Variants in GRID2 observed in about 807,000 individuals in gnomAD.
GRID2 encodes glutamate ionotropic receptor delta type subunit 2.
Under a neutral mutation model 114.8 loss-of-function variants are expected in GRID2, and 33 were observed. The observed-to-expected ratio is 0.29, with a 90% CI of 0.22 to 0.38. GRID2 has a LOEUF of 0.38. Among genes scored for constraint, GRID2 ranks in the 10% least tolerant of loss-of-function variants. GRID2 has a pLI of 1.00. For synonymous variants in GRID2, 505 were observed against 449.9 expected (o/e 1.12, Z -1.55); for missense variants, 1,184 against 1,257.7 (o/e 0.94, Z 0.89).
chr4:92,737,895 C>CA (rs1736680085), intron 2 of GRID2, among the ~76,000 whole-genome samples: 1 of 152,182 alleles, frequency 6.6e-6, no homozygotes, highest in East Asian at 1.9e-4. Flanking sequence ...TCTTCTCTTT[C>CA]AGTGTATTGC....
chr4:92,399,355 G>C (rs943958078), intron 1 of GRID2, among the ~76,000 whole-genome samples: 5 of 152,018 alleles, frequency 3.3e-5, no homozygotes, highest in Admixed American at 3.3e-4. Flanking sequence ...TCTTCCTTCA[G>C]GCCCACTCCT....
intron 14 of GRID2, among the ~76,000 whole-genome samples, chr4:93,664,354 GAAGGTTT>G (rs1457787776): frequency 6.6e-6 from 1 of 152,212 alleles, no homozygotes; most frequent in Non-Finnish European, 1.5e-5. Context: ...CTATCTGAAT[GAAGGTTT>G]AAAAGGATCA....
chr4:92,321,543 G>T (rs1450607454), intron 1 of GRID2, among the ~76,000 whole-genome samples: 1 of 152,096 alleles, frequency 6.6e-6, no homozygotes, highest in African/African-American at 2.4e-5. Flanking sequence ...GAAATTATTG[G>T]AACTTAATTT....
At chr4:93,156,103 T>C (rs1489554167) in intron 4 of GRID2, among the ~76,000 whole-genome samples, 1 of 151,776 alleles carries the variant, frequency 6.6e-6, no homozygotes, top group Non-Finnish European at 1.5e-5. Flanking sequence ...ATTCACCTGT[T>C]ACATACCCAT....
chr4:92,641,723 G>C (rs1006479161), intron 2 of GRID2, among the ~76,000 whole-genome samples: 2 of 151,412 alleles, frequency 1.3e-5, no homozygotes, highest in Admixed American at 1.3e-4. Flanking sequence ...TTTTTACATG[G>C]GTATATTGCA....
intron 1 of GRID2, among the ~76,000 whole-genome samples, chr4:92,488,927 C>A (rs548960348): frequency 6.6e-6 from 1 of 152,294 alleles, no homozygotes; most frequent in South Asian, 2.1e-4. Flanking sequence ...GAAACTGCGA[C>A]TACAGTAGAA....
intron 13 of GRID2, among the ~76,000 whole-genome samples, chr4:93,567,774 C>T (rs768011474): frequency 6.6e-6 from 1 of 152,132 alleles, no homozygotes; most frequent in Non-Finnish European, 1.5e-5. Context: ...ACCTTGTGAC[C>T]AGGGTCACTG....
At chr4:93,615,361 G>A (rs546104154) in intron 13 of GRID2, among the ~76,000 whole-genome samples, 10 of 152,216 alleles carry the variant, frequency 6.6e-5, no homozygotes, top group Non-Finnish European at 1.5e-4. Context: ...ATCTCTCTTA[G>A]GAAAATGATT....
chr4:93,005,147 A>T (rs1316145153), intron 2 of GRID2, among the ~76,000 whole-genome samples: 2 of 152,074 alleles, frequency 1.3e-5, no homozygotes, highest in Non-Finnish European at 1.5e-5. Flanking sequence ...GACAGAATAG[A>T]CAGTTTCAAA....
intron 1 of GRID2, among the ~76,000 whole-genome samples, chr4:92,495,774 G>A (rs911088511): frequency 2.0e-5 from 3 of 151,884 alleles, no homozygotes; most frequent in African/African-American, 7.2e-5. Context: ...AAGTAATTGT[G>A]TAGGGTGGTC....
At chr4:92,931,955 C>T (rs113687793) in intron 2 of GRID2, among the ~76,000 whole-genome samples, 3,445 of 151,110 alleles carry the variant, frequency 0.023, 65 homozygotes, top group East Asian at 0.054. Context: ...TTTTATTTCA[C>T]ACATAAAATT....
intron 2 of GRID2, among the ~76,000 whole-genome samples, chr4:92,856,533 A>T (rs567529817): frequency 2.7e-3 from 407 of 152,250 alleles, no homozygotes; most frequent in African/African-American, 9.4e-3. Context: ...TTTTTTCCAG[A>T]AGATAGTATG....
At chr4:93,790,123 C>A in intron 1 of GRID2, among the ~76,000 whole-genome samples, 1 of 139,906 alleles carries the variant, frequency 7.1e-6, no homozygotes, top group Non-Finnish European at 1.5e-5. Context: ...CCCACCCCTA[C>A]CCCGTGCCCA....
chr4:92,719,894 T>C (rs541628256), intron 2 of GRID2, among the ~76,000 whole-genome samples: 3 of 152,188 alleles, frequency 2.0e-5, no homozygotes, highest in Non-Finnish European at 4.4e-5. Context: ...AAGTCAAGGA[T>C]ACTAGCAATA....
chr4:92,692,477 C>CT (rs1734223829), intron 2 of GRID2, among the ~76,000 whole-genome samples: 1 of 152,114 alleles, frequency 6.6e-6, no homozygotes, highest in Non-Finnish European at 1.5e-5. Flanking sequence ...CATTTATTAA[C>CT]TTATCAGAAT....
chr4:93,472,334 T>G (rs1724923439), intron 11 of GRID2, among the ~76,000 whole-genome samples: 1 of 151,858 alleles, frequency 6.6e-6, no homozygotes, highest in African/African-American at 2.4e-5. Context: ...AAAAAAAAAG[T>G]TATAATTTTA....
intron 9 of GRID2, among the ~76,000 whole-genome samples, chr4:93,399,264 C>T (rs1031858215): frequency 3.3e-5 from 5 of 152,044 alleles, no homozygotes; most frequent in African/African-American, 1.2e-4. Flanking sequence ...TACCCACTCC[C>T]TCTTTTCTTA....
At chr4:92,766,180 C>A (rs1738255518) in intron 2 of GRID2, among the ~76,000 whole-genome samples, 1 of 152,160 alleles carries the variant, frequency 6.6e-6, no homozygotes, top group African/African-American at 2.4e-5. Flanking sequence ...GTCAAATTTT[C>A]TGCCAGAAGA....
intron 2 of GRID2, among the ~76,000 whole-genome samples, chr4:92,632,624 T>C (rs1399164184): frequency 6.6e-6 from 1 of 151,276 alleles, no homozygotes. Context: ...GGAGCGAGAT[T>C]CTGTCTCGAA....
Sources: allele counts gnomAD v4.1 joint callset (sites outside exome capture counted in the v4.1 genomes callset), GRCh38; gene constraint gnomAD v4.1.1; transcripts MANE v1.5; gene names NCBI Gene and HGNC (gene_info 2026-07-23, HGNC 2026-07-21).